Variants in HTRA1 observed in about 807,000 individuals in gnomAD.
HTRA1 encodes the protein serine protease HTRA1.
HTRA1 carries 26 observed loss-of-function variants against 49.7 expected under a neutral mutation model. That is an observed-to-expected ratio of 0.52 (90% confidence interval 0.38 to 0.73). HTRA1 has a LOEUF of 0.73. HTRA1 is among the 30% of genes least tolerant of loss of function. The pLI is 0.00. For missense variants in HTRA1, 561 were observed against 667.2 expected (o/e 0.84, Z 1.75); for synonymous variants, 291 against 286.9 (o/e 1.01, Z -0.14).
At chr10:122,473,986 G>C (rs2736914) in intron 1 of HTRA1, among the ~76,000 whole-genome samples, 26,853 of 152,060 alleles carry the variant, frequency 0.18, 2,538 homozygotes, top group African/African-American at 0.22. Flanking sequence ...TCCCTGATGG[G>C]GAATCCTAAT....
chr10:122,472,469 C>T (rs1375088074), intron 1 of HTRA1, among the ~76,000 whole-genome samples: 8 of 151,614 alleles, frequency 5.3e-5, no homozygotes, highest in African/African-American at 1.9e-4. Flanking sequence ...GATCTTGACT[C>T]CCTGCAACCT....
At chr10:122,475,811 G>T (rs1169804481) in intron 1 of HTRA1, among the ~76,000 whole-genome samples, 1 of 152,218 alleles carries the variant, frequency 6.6e-6, no homozygotes, top group Admixed American at 6.5e-5. Context: ...TAGAATGGGG[G>T]TCTGGTTTCC....
chr10:122,513,285 G>A (rs1380906168), intron 8 of HTRA1, among the ~76,000 whole-genome samples: 2 of 152,070 alleles, frequency 1.3e-5, no homozygotes, highest in Admixed American at 1.3e-4. Flanking sequence ...ACCCCTATAG[G>A]AACTGCATTC....
At chr10:122,473,052 C>T (rs1038066304) in intron 1 of HTRA1, among the ~76,000 whole-genome samples, 1 of 152,172 alleles carries the variant, frequency 6.6e-6, no homozygotes, top group African/African-American at 2.4e-5. Flanking sequence ...CAAACCCCAG[C>T]CATTCTGCTC....
At position 122,464,244 on chromosome 10, in the gene HTRA1, G is replaced by C. The variant is rs2097482825; in HGVS notation, c.472+2120G>C. The stretch of plus-strand genomic sequence containing the variant: ...CACCATGCGAGCCGCCTAATTTATT[G>C]CTAGTGAGGCAAGTTGCTTAACAAG... On this transcript the variant is annotated intron_variant, in intron 1 of 8. Coordinates refer to ENST00000368984, the MANE Select transcript of HTRA1 (RefSeq NM_002775.5). This position sits in a 1 kb window ranked among gnomAD's most constrained non-coding sequence, Gnocchi z 4.8. 6.6e-6 allele frequency among the ~76,000 whole-genome samples: 1 copy of C among 152,156 alleles called. No homozygotes were observed. The highest frequency in any genetic ancestry group is 2.4e-5 in the African/African-American group (1 of 41,426).
chr10:122,511,196 A>G (rs1437852581), intron 7 of HTRA1, among the ~76,000 whole-genome samples: 3 of 152,184 alleles, frequency 2.0e-5, no homozygotes, highest in Admixed American at 1.3e-4. Flanking sequence ...GATGCCAGCC[A>G]CTATGTATCA....
intron 5 of HTRA1, 96 bp downstream of exon 5, chr10:122,507,498 G>A (rs530970194): frequency 1.0e-6 from 1 of 981,096 alleles, no homozygotes; most frequent in Admixed American, 1.8e-5. Flanking sequence ...TTTTGAGGCA[G>A]GGGGTCTTTT....
At chr10:122,493,299 TG>T (rs2097496790) in intron 3 of HTRA1, among the ~76,000 whole-genome samples, 1 of 152,186 alleles carries the variant, frequency 6.6e-6, no homozygotes, top group Non-Finnish European at 1.5e-5. Flanking sequence ...GACCCACGAC[TG>T]GGGCCAGCCT....
intron 1 of HTRA1, 21 bp downstream of exon 1, chr10:122,462,145 G>T (rs1421646953): frequency 6.6e-7 from 1 of 1,516,826 alleles, no homozygotes; most frequent in South Asian, 1.2e-5. Flanking sequence ...GCGCTCCTGG[G>T]CAGCTCCCCA....
Position 122,496,224 on chromosome 10 carries a change from GGTTCTTTTTTTTTTTT to G in HTRA1, c.777+6599_777+6614del, listed in dbSNP as rs1440415583. Reference sequence around the variant, plus strand: ...GCCCTTTCGTTTGCCAGAGATTGTGGGTTCTTTTTTTTTTTTTTTTTTTTTTTTTTTTTTTGCAGAG... The same window carrying G: ...GCCCTTTCGTTTGCCAGAGATTGTGGTTTTTTTTTTTTTTTTTTTGCAGAG... On this transcript the variant is annotated intron_variant, in intron 3 of 8. Coordinates refer to ENST00000368984, the MANE Select transcript of HTRA1 (RefSeq NM_002775.5). 4.0e-4 allele frequency among the ~76,000 whole-genome samples: 13 copies of G among 32,106 alleles called. 1 individual carries two copies. The South Asian group carries it at 8.4e-3, about 21-fold the overall frequency. 21.1% of individuals were successfully genotyped at this position (32,106 alleles called of 152,430 possible). A position where few individuals can be genotyped will look rare whatever the true frequency, so the allele number is the denominator to read the frequency against.
At chr10:122,509,966 G>T in intron 6 of HTRA1, 130 bp from the exon 7 acceptor site, 1 of 767,974 alleles carries the variant, frequency 1.3e-6, no homozygotes. Flanking sequence ...ACCAGGATTT[G>T]AGCCGCAACC....
intron 3 of HTRA1, among the ~76,000 whole-genome samples, chr10:122,503,574 G>GGAA (rs2097501816): frequency 6.6e-6 from 1 of 152,228 alleles, no homozygotes; most frequent in African/African-American, 2.4e-5. Flanking sequence ...GGATGAACAT[G>GGAA]TACTGGGCGT....
intron 1 of HTRA1, among the ~76,000 whole-genome samples, chr10:122,467,360 G>A (rs182908279): frequency 1.0e-3 from 156 of 152,262 alleles, no homozygotes; most frequent in Admixed American, 3.1e-3. Context: ...TCGGAGCCTC[G>A]GCAGTGAGGG....
rs1038694610 is a variant in HTRA1, at chr10:122,478,537, C to T, written c.473-10365C>T. Among the ~76,000 whole-genome samples, 17 of 151,938 alleles carry T rather than the reference C, an allele frequency of 1.1e-4. No homozygotes were observed. In the South Asian group the frequency reaches 1.3e-3, roughly 11 times the overall value. On this transcript the variant is annotated intron_variant, in intron 1 of 8. Coordinates refer to ENST00000368984, the MANE Select transcript of HTRA1 (RefSeq NM_002775.5). ...CCTCCCGAGTAGCTGGGACTACAGGCGCCTGCCACCACGCCTGGCTAATTT... is the reference window on the plus strand; with the variant it reads ...CCTCCCGAGTAGCTGGGACTACAGGTGCCTGCCACCACGCCTGGCTAATTT...
intron 1 of HTRA1, among the ~76,000 whole-genome samples, chr10:122,480,142 G>A (rs975670907): frequency 5.3e-5 from 8 of 152,246 alleles, no homozygotes; most frequent in Non-Finnish European, 8.8e-5. Context: ...TGAGGCTGAA[G>A]CAGGGACATT....
At chr10:122,511,626 G>C (rs759145985) in intron 7 of HTRA1, among the ~76,000 whole-genome samples, 1 of 151,774 alleles carries the variant, frequency 6.6e-6, no homozygotes, top group South Asian at 2.1e-4. Context: ...CCAGCTACTC[G>C]GGTGGCTGAG....
Position 122,511,818 on chromosome 10 carries a change from C to T in HTRA1, c.1179-152C>T, listed in dbSNP as rs539403451. On this transcript the variant is annotated intron_variant, in intron 7 of 8. Transcript: ENST00000368984. The stretch of plus-strand genomic sequence containing the variant: ...CAAGTAAATCTTTGACTCTGGTAGA[C>T]AGGCAATTTTAATTTTAAAATAGGA... The T allele has an allele frequency of 6.4e-4, 415 of 653,178 alleles. No individual in the cohort carries two copies. In the African/African-American group the frequency reaches 7.0e-3, roughly 11 times the overall value. The allele number at this position is 653,178 out of a possible 1,614,324, so 40.5% of individuals were successfully genotyped here.
intron 1 of HTRA1, among the ~76,000 whole-genome samples, chr10:122,463,774 A>G (rs554829048): frequency 4.6e-5 from 7 of 152,354 alleles, no homozygotes; most frequent in African/African-American, 1.7e-4. Context: ...TCAGCCCAGC[A>G]CTTAACTCCA....
rs2097507100 is a variant in HTRA1 at position 122,514,629 on chromosome 10, C to T, written c.*270C>T. The T allele has an allele frequency of 1.3e-5, 6 of 460,880 alleles. No individual in the cohort carries two copies. The highest frequency in any genetic ancestry group is 4.4e-5 in the East Asian group (1 of 22,640). 28.5% of individuals were successfully genotyped at this position (460,880 alleles called of 1,614,324 possible). On this transcript the variant is annotated 3_prime_UTR_variant, in exon 9 of 9. Coordinates refer to ENST00000368984, the MANE Select transcript of HTRA1 (RefSeq NM_002775.5). ...CCAGCTTGGGCCATTCTTGCTTAGA[C>T]AGTCAGCATTTGTCTCCTCCTTTAA...
Sources: gnomAD v4.1 joint callset for allele counts (sites outside exome capture counted in the v4.1 genomes callset) on GRCh38, gnomAD v4.1.1 for gene constraint, Gnocchi (gnomAD v3.1) non-coding constraint, MANE v1.5 for transcripts, NCBI Gene and HGNC (gene_info 2026-07-23, HGNC 2026-07-21) for gene names.